The following AKIRIN1 variants were observed in gnomAD, a reference collection of about 807,000 sequenced individuals.
AKIRIN1 encodes akirin-1.
In AKIRIN1, 4 loss-of-function variants were observed where a neutral mutation model predicts 25.9. That is an observed-to-expected ratio of 0.15 (90% CI 0.08 to 0.35). The LOEUF is 0.35. Ranked by LOEUF, AKIRIN1 falls within the 10% of genes least tolerant of loss-of-function variation. The pLI, the probability that AKIRIN1 is intolerant of heterozygous loss-of-function variation, is 1.00. For missense variants in AKIRIN1, 243 were observed against 266.1 expected, an observed-to-expected ratio of 0.91 and a Z score of 0.61; for synonymous variants, 125 against 105.1, an observed-to-expected ratio of 1.19 and a Z score of -1.16.
chr1:39,004,022 T>TG, intron 4 of AKIRIN1, 23 bp from the exon 5 acceptor site: 2 of 1,601,642 alleles, frequency 1.2e-6, no homozygotes, highest in South Asian at 2.2e-5. Context: ...TTACCCTTTT[T>TG]GTTTTTTATT....
In AKIRIN1 at chr1:38,991,478, GC is replaced by G; in HGVS notation, c.102del (p.Thr35LeufsTer46). ...PKRRRCAPLP[G>X]PTPGLRPPDA... ...CGGCGGCGCTGCGCCCCTCTGCCCGGCCCCACTCCGGGCCTCAGGCCCCCGG... is the reference window on the plus strand; with the variant it reads ...CGGCGGCGCTGCGCCCCTCTGCCCGGCCCACTCCGGGCCTCAGGCCCCCGG... On this transcript the variant is annotated frameshift_variant, in exon 1 of 5. Transcript: ENST00000432648. LOFTEE classifies it high-confidence loss of function. 2 of 1,433,310 alleles carry G rather than the reference GC, an allele frequency of 1.4e-6. No individual in the cohort carries two copies. Among genetic ancestry groups the G allele is most frequent in the Non-Finnish European group, 1.8e-6 (2 of 1,098,550 alleles). The allele number at this position is 1,433,310 out of a possible 1,614,324, so 88.8% of individuals were successfully genotyped here.
intron 2 of AKIRIN1, among the ~76,000 whole-genome samples, chr1:38,998,642 G>A (rs1471252486): frequency 6.6e-6 from 1 of 152,090 alleles, no homozygotes; most frequent in Admixed American, 6.6e-5. Flanking sequence ...GGTGGCTCAT[G>A]CCTGTAATCC....
intron 3 of AKIRIN1, among the ~76,000 whole-genome samples, chr1:39,001,565 CAA>C (rs1347223609): frequency 6.6e-6 from 1 of 152,006 alleles, no homozygotes; most frequent in Non-Finnish European, 1.5e-5. Context: ...CGCGCCTGGC[CAA>C]GACTTTGTTT....
At chr1:38,999,944 G>T (rs973900808) in intron 2 of AKIRIN1, among the ~76,000 whole-genome samples, 1 of 151,700 alleles carries the variant, frequency 6.6e-6, no homozygotes, top group African/African-American at 2.4e-5. Flanking sequence ...GTGCAGTGGC[G>T]TCATCTCAGC....
intron 1 of AKIRIN1, among the ~76,000 whole-genome samples, chr1:38,995,194 C>G (rs915326269): frequency 2.0e-5 from 3 of 152,006 alleles, no homozygotes; most frequent in Admixed American, 6.6e-5. Flanking sequence ...AGAGCAAAGT[C>G]CAAAAAACCC....
chr1:38,998,410 C>T (rs1643963756), intron 2 of AKIRIN1, 99 bp downstream of exon 2: 1 of 1,283,848 alleles, frequency 7.8e-7, no homozygotes, highest in Admixed American at 2.6e-5. Context: ...AATAGAATTG[C>T]TAACGGGGAT....
At chr1:38,998,895 A>G (rs1643968032) in intron 2 of AKIRIN1, among the ~76,000 whole-genome samples, 1 of 151,890 alleles carries the variant, frequency 6.6e-6, no homozygotes, top group Admixed American at 6.6e-5. Flanking sequence ...AAGTTTTTTT[A>G]AAATTCTGTT....
chr1:39,004,272 C>A lies in AKIRIN1; in HGVS notation c.*217C>A, dbSNP rs1247785583. 2.9e-6 allele frequency: 2 copies of A among 692,808 alleles called. No individual in the cohort carries two copies. Among genetic ancestry groups the A allele is most frequent in the Non-Finnish European group, 5.3e-6 (2 of 380,144 alleles). The allele number at this position is 692,808 out of a possible 1,614,324, so 42.9% of individuals were successfully genotyped here. Reference sequence around the variant, plus strand: ...TCTGCTCATCCAATAAACAGCTGTGCCCTACTGTGATAGATTTTCCAAACA... The same window carrying A: ...TCTGCTCATCCAATAAACAGCTGTGACCTACTGTGATAGATTTTCCAAACA... On this transcript the variant is annotated 3_prime_UTR_variant, in exon 5 of 5. Coordinates refer to ENST00000432648, the MANE Select transcript of AKIRIN1 (RefSeq NM_024595.3).
chr1:38,996,393 C>CT lies in AKIRIN1; in HGVS notation c.221-1770dup, dbSNP rs757963947. Reference sequence around the variant, plus strand: ...GAGCCACCATGTACAGGCTTTTTTTCTTTTTTTTAATACTGGGTCTCGTTA... The same window carrying CT: ...GAGCCACCATGTACAGGCTTTTTTTCTTTTTTTTTAATACTGGGTCTCGTTA... On this transcript the variant is annotated intron_variant, in intron 1 of 4. Transcript: ENST00000432648. Among the ~76,000 whole-genome samples the CT allele has an allele frequency of 2.1e-3, 312 of 150,228 alleles. 1 individual carries two copies. Among genetic ancestry groups the CT allele is most frequent in the Non-Finnish European group, 3.8e-3 (258 of 67,384 alleles).
intron 3 of AKIRIN1, 105 bp from the exon 4 acceptor site, chr1:39,003,240 TGA>T: frequency 9.8e-7 from 1 of 1,019,644 alleles, no homozygotes; most frequent in Non-Finnish European, 1.5e-6. Flanking sequence ...AAAGAGGGCC[TGA>T]GAGGGTGAAG....
intron 1 of AKIRIN1, among the ~76,000 whole-genome samples, chr1:38,993,985 G>T (rs1643928192): frequency 6.6e-6 from 1 of 151,532 alleles, no homozygotes; most frequent in East Asian, 1.9e-4. Flanking sequence ...CAGGAGAATC[G>T]CTTGAACCTG....
At chr1:38,994,255 A>G (rs922304014) in intron 1 of AKIRIN1, among the ~76,000 whole-genome samples, 7 of 152,138 alleles carry the variant, frequency 4.6e-5, no homozygotes, top group Admixed American at 2.6e-4. Context: ...CTATTCCACA[A>G]TCCAAAACTT....
Position 38,991,536 on chromosome 1 carries a change from G to A in AKIRIN1, c.156G>A (p.Gln52=). The change falls in exon 1 of 5, where the codon CAG becomes CAA. Residue 52 remains glutamine (Q), a synonymous_variant. Transcript: ENST00000432648. ...AGCCGCCGCCGCCGTTTCAGACGCA[G>A]ACCCCACCGCAGAGTCTGCAGCAGC... ...DAEPPPPFQT[Q]TPPQSLQQPA... is the part of the protein sequence containing the mutation. The A allele has an allele frequency of 6.8e-7, 1 of 1,460,488 alleles. No individual in the cohort carries two copies. The allele number at this position is 1,460,488 out of a possible 1,614,324, so 90.5% of individuals were successfully genotyped here.
chr1:38,992,055 C>T (rs927586709), intron 1 of AKIRIN1, among the ~76,000 whole-genome samples: 2 of 152,128 alleles, frequency 1.3e-5, no homozygotes, highest in South Asian at 2.1e-4. Context: ...GCTGTTTAGC[C>T]CTGTAGGGAG....
At chr1:38,996,465 A>C (rs1438363591) in intron 1 of AKIRIN1, among the ~76,000 whole-genome samples, 1 of 140,150 alleles carries the variant, frequency 7.1e-6, no homozygotes, top group South Asian at 2.3e-4. Context: ...TGGCCTTCCA[A>C]AGTGCTGGAT....
intron 1 of AKIRIN1, among the ~76,000 whole-genome samples, chr1:38,993,203 A>G (rs966097906): frequency 1.3e-5 from 2 of 152,202 alleles, no homozygotes; most frequent in South Asian, 2.1e-4. Context: ...ATTCAATACT[A>G]CTATCCTCTA....
chr1:38,998,296 G>A lies in AKIRIN1; in HGVS notation c.346G>A (p.Ala116Thr), dbSNP rs775531739. Residue 116 changes from alanine to threonine, a missense_variant, in exon 2 of 5, where the codon GCA (alanine) becomes ACA (threonine). Physicochemically the swap from Ala to Thr is moderately conservative, Grantham distance 58. Transcript: ENST00000432648. ...ESQPHSSALT[A>T]PSSPGSSWMK... ...TCAACCTCACTCCTCAGCACTCACA[G>A]CACCTAGCTCTCCAGGTAAGCCCAC... is the stretch of plus-strand genomic sequence containing the variant. 3 of 1,609,842 alleles carry A rather than the reference G, an allele frequency of 1.9e-6. No individual in the cohort carries two copies. The highest frequency in any genetic ancestry group is 8.5e-7 in the Non-Finnish European group (1 of 1,178,196).
chr1:38,994,516 G>T (rs908129640), intron 1 of AKIRIN1, among the ~76,000 whole-genome samples: 29 of 151,906 alleles, frequency 1.9e-4, no homozygotes, highest in African/African-American at 6.8e-4. Context: ...GTCTTTTTTT[G>T]TTGTTTTTTG....
At chr1:38,995,908 C>A (rs1010201790) in intron 1 of AKIRIN1, among the ~76,000 whole-genome samples, 9 of 152,212 alleles carry the variant, frequency 5.9e-5, no homozygotes, top group East Asian at 5.8e-4. Flanking sequence ...GTGGCGGGCT[C>A]CTGAAATCCA....
Sources: gnomAD v4.1 joint callset for allele counts (sites outside exome capture counted in the v4.1 genomes callset) on GRCh38, gnomAD v4.1.1 for gene constraint, MANE v1.5 for transcripts, NCBI Gene and HGNC (gene_info 2026-07-23, HGNC 2026-07-21) for gene names.